KCNMA1: variants seen among roughly 807,000 people sequenced by gnomAD.
KCNMA1 encodes potassium calcium-activated channel subfamily M alpha 1, also known as Calcium-activated potassium channel subunit alpha-1.
KCNMA1 carries 29 observed loss-of-function variants against 140.0 expected under a neutral mutation model. That is an observed-to-expected ratio of 0.21 (90% CI 0.15 to 0.28). KCNMA1 has a LOEUF of 0.28. Ranked by LOEUF, KCNMA1 falls within the 10% of genes least tolerant of loss-of-function variation. KCNMA1 has a pLI of 1.00. For missense variants in KCNMA1, 880 were observed against 1,602.2 expected, an observed-to-expected ratio of 0.55 and a Z score of 7.70; for synonymous variants, 612 against 611.9, an observed-to-expected ratio of 1.00 and a Z score of 0.00.
intron 1 of KCNMA1, among the ~76,000 whole-genome samples, chr10:77,560,796 A>C (rs2066110870): frequency 1.3e-5 from 2 of 152,220 alleles, no homozygotes; most frequent in African/African-American, 4.8e-5. Flanking sequence ...GTTTGGGCCC[A>C]GCCTCTACAT....
At chr10:77,102,661 C>T (rs1330773233) in intron 9 of KCNMA1, among the ~76,000 whole-genome samples, 1 of 152,130 alleles carries the variant, frequency 6.6e-6, no homozygotes, top group Non-Finnish European at 1.5e-5. Flanking sequence ...GTTAGCTCCC[C>T]CAGCTTAGTG....
intron 2 of KCNMA1, among the ~76,000 whole-genome samples, chr10:77,334,943 A>C (rs1274439281): frequency 6.6e-6 from 1 of 152,162 alleles, no homozygotes; most frequent in African/African-American, 2.4e-5. Flanking sequence ...AACATGTATG[A>C]CACAGCACAT....
At chr10:77,085,807 CT>C (rs950211381) in intron 11 of KCNMA1, among the ~76,000 whole-genome samples, 59 of 152,304 alleles carry the variant, frequency 3.9e-4, no homozygotes, top group African/African-American at 1.3e-3. Context: ...TGTACACCCC[CT>C]GGCATGCAAA....
chr10:77,070,912 A>G (rs553090099), intron 14 of KCNMA1, among the ~76,000 whole-genome samples: 1 of 152,346 alleles, frequency 6.6e-6, no homozygotes, highest in South Asian at 2.1e-4. Context: ...TGTGATTTCC[A>G]GGTCATGTAC....
At chr10:76,877,697 A>T (rs781441573), downstream of KCNMA1, 4 of 1,538,240 alleles carry the variant, frequency 2.6e-6, no homozygotes, top group Admixed American at 7.9e-5. Context: ...CCATTTATGA[A>T]GTTTGTCAGG....
At chr10:77,342,447 G>A (rs2091166644) in intron 2 of KCNMA1, among the ~76,000 whole-genome samples, 1 of 152,124 alleles carries the variant, frequency 6.6e-6, no homozygotes, top group Non-Finnish European at 1.5e-5. Context: ...ATAAGAGTGT[G>A]GATTCAGGGA....
At chr10:77,107,475 A>G (rs73291903) in intron 9 of KCNMA1, among the ~76,000 whole-genome samples, 2,745 of 152,308 alleles carry the variant, frequency 0.018, 39 homozygotes, top group Middle Eastern at 0.065. Flanking sequence ...CTCCAGAAAA[A>G]GCTTTAAAAA....
chr10:77,358,905 T>C (rs2093716430), intron 2 of KCNMA1, among the ~76,000 whole-genome samples: 1 of 152,180 alleles, frequency 6.6e-6, no homozygotes. Flanking sequence ...TCTGTCTAAG[T>C]TTTGCTTTAG....
At chr10:76,977,027 T>A (rs927611987) in intron 19 of KCNMA1, among the ~76,000 whole-genome samples, 2 of 152,192 alleles carry the variant, frequency 1.3e-5, no homozygotes, top group Non-Finnish European at 2.9e-5. Context: ...GGGGAATGTA[T>A]AGAAGTCCAA....
chr10:77,156,059 G>C (rs1051085674), intron 5 of KCNMA1, among the ~76,000 whole-genome samples: 2 of 151,694 alleles, frequency 1.3e-5, no homozygotes, highest in African/African-American at 4.8e-5. Flanking sequence ...AACTCCGTCT[G>C]TACTAAAAAT....
intron 1 of KCNMA1, among the ~76,000 whole-genome samples, chr10:77,441,746 C>A (rs752351899): frequency 5.3e-5 from 8 of 152,178 alleles, no homozygotes; most frequent in Non-Finnish European, 2.9e-5. Context: ...TATGGTCCAC[C>A]AGCTAGATGG....
intron 16 of KCNMA1, among the ~76,000 whole-genome samples, chr10:77,026,262 G>C (rs2153519666): frequency 6.6e-6 from 1 of 152,286 alleles, no homozygotes. Context: ...CCTGCAGTCA[G>C]ATTATTCCAG....
chr10:77,436,957 TACACACACAC>T (rs10536103), intron 1 of KCNMA1, among the ~76,000 whole-genome samples: 312 of 134,846 alleles, frequency 2.3e-3, no homozygotes, highest in Non-Finnish European at 4.1e-3. Flanking sequence ...CTTCTTTCTT[TACACACACAC>T]ACACACACAC....
chr10:77,154,827 G>T (rs2098464427), intron 5 of KCNMA1, among the ~76,000 whole-genome samples: 1 of 152,188 alleles, frequency 6.6e-6, no homozygotes, highest in Non-Finnish European at 1.5e-5. Context: ...AAACAATGAA[G>T]CAAACAAACA....
intron 26 of KCNMA1, among the ~76,000 whole-genome samples, chr10:76,890,909 T>C (rs2039731874): frequency 6.6e-6 from 1 of 152,220 alleles, no homozygotes; most frequent in Non-Finnish European, 1.5e-5. Flanking sequence ...CATTAAAGGA[T>C]CCACATAAGA....
intron 20 of KCNMA1, among the ~76,000 whole-genome samples, chr10:76,966,757 C>G (rs1159736655): frequency 6.6e-6 from 1 of 152,162 alleles, no homozygotes; most frequent in East Asian, 1.9e-4. Flanking sequence ...GAGCCGGGGA[C>G]TTGGAAGCCT....
intron 12 of KCNMA1, among the ~76,000 whole-genome samples, chr10:77,083,526 GA>G (rs2096627929): frequency 6.7e-6 from 1 of 149,556 alleles, no homozygotes; most frequent in Non-Finnish European, 1.5e-5. Flanking sequence ...AAAAAAAAGG[GA>G]GGGCAGGGCA....
intron 9 of KCNMA1, among the ~76,000 whole-genome samples, chr10:77,097,031 C>A (rs1045222643): frequency 1.3e-5 from 2 of 152,166 alleles, no homozygotes; most frequent in African/African-American, 4.8e-5. Flanking sequence ...GTGGTCAGCA[C>A]CAAAGCTTCA....
Position 76,914,844 on chromosome 10 carries a change from G to C in KCNMA1, c.3016+92C>G, listed in dbSNP as rs1039551986. On this transcript the variant is annotated intron_variant, in intron 24 of 27. Coordinates refer to ENST00000286628, the MANE Select transcript of KCNMA1 (RefSeq NM_001161352.2). ...CAAACCCCATAGCAGCTACAAAGTT[G>C]AAAGGGCTAAGAAATAAACCAACCT... 4 of 961,816 alleles carry C rather than the reference G, an allele frequency of 4.2e-6. No homozygotes were observed. The African/African-American group carries it at 6.4e-5, about 15-fold the overall frequency. 59.6% of individuals were successfully genotyped at this position (961,816 alleles called of 1,614,324 possible). A position where few individuals can be genotyped will look rare whatever the true frequency, so the allele number is the denominator to read the frequency against.
Sources: allele counts gnomAD v4.1 joint callset (sites outside exome capture counted in the v4.1 genomes callset), GRCh38; gene constraint gnomAD v4.1.1; transcripts MANE v1.5; gene names NCBI Gene and HGNC (gene_info 2026-07-23, HGNC 2026-07-21).